FMN2: variants seen among roughly 807,000 people sequenced by gnomAD.
The protein encoded by FMN2 is formin 2, also known as formin-2.
FMN2 carries 51 observed loss-of-function variants against 142.3 expected under a neutral mutation model. The observed-to-expected ratio is 0.36, with a 90% CI of 0.29 to 0.45. The LOEUF is 0.45. FMN2 is among the 20% of genes least tolerant of loss of function. The pLI, the probability that FMN2 is intolerant of heterozygous loss-of-function variation, is 1.00. For missense variants in FMN2, 1,936 were observed against 2,122.8 expected (o/e 0.91, Z 1.73); for synonymous variants, 882 against 869.8 (o/e 1.01, Z -0.25).
chr1:240,447,183 A>C (rs1051166273), intron 16 of FMN2, among the ~76,000 whole-genome samples: 3 of 152,192 alleles, frequency 2.0e-5, no homozygotes, highest in Non-Finnish European at 4.4e-5. Context: ...GTTAAGGTTT[A>C]GAAGCAGCTG....
chr1:240,338,267 A>T (rs901536332), intron 13 of FMN2, among the ~76,000 whole-genome samples: 2 of 152,170 alleles, frequency 1.3e-5, no homozygotes, highest in Non-Finnish European at 2.9e-5. Flanking sequence ...TTTTCCAGAG[A>T]TTTATAGGAA....
intron 3 of FMN2, among the ~76,000 whole-genome samples, chr1:240,185,050 C>T (rs1183610143): frequency 6.7e-6 from 1 of 149,112 alleles, no homozygotes; most frequent in Non-Finnish European, 1.5e-5. Context: ...CTCTTTCTCC[C>T]TCCTATACCT....
At chr1:240,267,706 A>G (rs1375991254) in intron 7 of FMN2, among the ~76,000 whole-genome samples, 1 of 152,018 alleles carries the variant, frequency 6.6e-6, no homozygotes, top group Non-Finnish European at 1.5e-5. Flanking sequence ...CTATAGGCTA[A>G]TTGATATAAA....
chr1:240,217,056 T>C (rs1572077981), intron 6 of FMN2, among the ~76,000 whole-genome samples: 1 of 152,268 alleles, frequency 6.6e-6, no homozygotes, highest in Non-Finnish European at 1.5e-5. Context: ...TAAGTGTTCT[T>C]ACGGGAAGCA....
At chr1:240,432,653 A>G (rs1362057307) in intron 15 of FMN2, among the ~76,000 whole-genome samples, 1 of 151,732 alleles carries the variant, frequency 6.6e-6, no homozygotes, top group Non-Finnish European at 1.5e-5. Flanking sequence ...TACTTGCTTT[A>G]TTTGTATCCC....
In FMN2 at chr1:240,209,246, TCC is replaced by T. The variant is rs546786439; in HGVS notation, c.3920+515_3920+516del. On this transcript the variant is annotated intron_variant, in intron 5 of 17. Coordinates refer to ENST00000319653, the MANE Select transcript of FMN2 (RefSeq NM_020066.5). ...TAAAAATGTAAATCAAATTCTTAAA[TCC>T]TTTTTTTTTTTTTTGGAGGGGGGAC... is the stretch of plus-strand genomic sequence containing the variant. Among the ~76,000 whole-genome samples the T allele has an allele frequency of 4.3e-3, 405 of 94,164 alleles. 3 individuals carry two copies. The South Asian group carries it at 0.051, about 12-fold the overall frequency. 61.8% of individuals were successfully genotyped at this position (94,164 alleles called of 152,430 possible). A position where few individuals can be genotyped will look rare whatever the true frequency, so the allele number is the denominator to read the frequency against.
intron 14 of FMN2, among the ~76,000 whole-genome samples, chr1:240,388,498 A>G (rs1673487962): frequency 6.6e-6 from 1 of 152,058 alleles, no homozygotes; most frequent in Admixed American, 6.6e-5. Context: ...AGCATTTACA[A>G]AAAAGTGTAG....
chr1:240,164,010 C>G (rs1184429037), intron 2 of FMN2, among the ~76,000 whole-genome samples: 1 of 152,048 alleles, frequency 6.6e-6, no homozygotes, highest in Admixed American at 6.6e-5. Flanking sequence ...GTAGCTAGGA[C>G]TACACTACAG....
chr1:240,149,548 T>C (rs1383484598), intron 2 of FMN2, among the ~76,000 whole-genome samples: 1 of 152,252 alleles, frequency 6.6e-6, no homozygotes, highest in Non-Finnish European at 1.5e-5. Context: ...CTTTTTGGCA[T>C]GTTTCTAAGC....
intron 2 of FMN2, among the ~76,000 whole-genome samples, chr1:240,146,743 T>A (rs1382961320): frequency 6.6e-6 from 1 of 152,136 alleles, no homozygotes; most frequent in African/African-American, 2.4e-5. Flanking sequence ...GATTTACTAT[T>A]TAGTAATAAA....
chr1:240,137,853 A>G (rs1413528667), intron 2 of FMN2, among the ~76,000 whole-genome samples: 1 of 152,102 alleles, frequency 6.6e-6, no homozygotes, highest in Non-Finnish European at 1.5e-5. Flanking sequence ...ACACTTTGGG[A>G]GGCCAAGGGG....
At chr1:240,392,804 G>A (rs1305351980) in intron 15 of FMN2, among the ~76,000 whole-genome samples, 1 of 151,976 alleles carries the variant, frequency 6.6e-6, no homozygotes, top group Non-Finnish European at 1.5e-5. Flanking sequence ...TCTTTTACCT[G>A]GGATTTAGAA....
intron 2 of FMN2, 107 bp downstream of exon 2, chr1:240,123,452 T>G (rs929754251): frequency 1.3e-5 from 15 of 1,130,846 alleles, no homozygotes; most frequent in Middle Eastern, 2.4e-4. Flanking sequence ...AACATGTGAT[T>G]CAAGCATTTT....
intron 15 of FMN2, among the ~76,000 whole-genome samples, chr1:240,420,528 T>G (rs1459370456): frequency 2.0e-5 from 3 of 152,216 alleles, no homozygotes; most frequent in Non-Finnish European, 4.4e-5. Context: ...CCTATTGTCC[T>G]GCAGCCAAGA....
chr1:240,204,268 T>C lies in FMN2; in HGVS notation c.1987-2531T>C, dbSNP rs558559890. Among the ~76,000 whole-genome samples the C allele has an allele frequency of 5.9e-5, 9 of 152,234 alleles. No individual in the cohort carries two copies. The South Asian group carries it at 6.2e-4, about 11-fold the overall frequency. On this transcript the variant is annotated intron_variant, in intron 4 of 17. Transcript: ENST00000319653. ...AAGTTAAATGTTGTAGCAAAAGATATAGTTTCCAGGGAAGAAGTAACAGAG... is the reference window on the plus strand; with the variant it reads ...AAGTTAAATGTTGTAGCAAAAGATACAGTTTCCAGGGAAGAAGTAACAGAG...
rs1007889099 is a variant in FMN2, at chr1:240,093,775, G to A, written c.1615+51G>A. On this transcript the variant is annotated intron_variant, in intron 1 of 17. Coordinates refer to ENST00000319653, the MANE Select transcript of FMN2 (RefSeq NM_020066.5). ...CGGGTCTCAAGTCGCCTGTCAGTCAGGGCCTTCCCCTGCCACCCGCCCTCC... is the reference window on the plus strand; with the variant it reads ...CGGGTCTCAAGTCGCCTGTCAGTCAAGGCCTTCCCCTGCCACCCGCCCTCC... 5.6e-6 allele frequency: 7 copies of A among 1,248,326 alleles called. No homozygotes were observed. The African/African-American group carries it at 9.3e-5, about 17-fold the overall frequency. The allele number at this position is 1,248,326 out of a possible 1,614,324, so 77.3% of individuals were successfully genotyped here. A position where few individuals can be genotyped will look rare whatever the true frequency, so the allele number is the denominator to read the frequency against.
At chr1:240,228,189 G>T (rs1183059816) in intron 6 of FMN2, among the ~76,000 whole-genome samples, 1 of 150,784 alleles carries the variant, frequency 6.6e-6, no homozygotes, top group Non-Finnish European at 1.5e-5. Flanking sequence ...TATAATCCCA[G>T]CTACTCGGGA....
intron 6 of FMN2, among the ~76,000 whole-genome samples, chr1:240,235,233 C>G (rs1667663122): frequency 6.6e-6 from 1 of 152,140 alleles, no homozygotes; most frequent in Non-Finnish European, 1.5e-5. Context: ...AGGGTATCCT[C>G]ATATACAAGT....
rs535068298 is a variant in FMN2 at position 240,276,849 on chromosome 1, C to T, written c.4154-17973C>T. On this transcript the variant is annotated intron_variant, in intron 7 of 17. Coordinates refer to ENST00000319653, the MANE Select transcript of FMN2 (RefSeq NM_020066.5). ...GAAGAGAGATGTATTCTATATTGAGCATATTTTCTATTTTTCGAGGCTCTG... is the reference window on the plus strand; with the variant it reads ...GAAGAGAGATGTATTCTATATTGAGTATATTTTCTATTTTTCGAGGCTCTG... Among the ~76,000 whole-genome samples, 3 of 152,270 alleles carry T rather than the reference C, an allele frequency of 2.0e-5. No individual in the cohort carries two copies. The South Asian group carries it at 6.2e-4, about 32-fold the overall frequency.
Sources: gnomAD v4.1 joint callset for allele counts (sites outside exome capture counted in the v4.1 genomes callset) on GRCh38, gnomAD v4.1.1 for gene constraint, MANE v1.5 for transcripts, NCBI Gene and HGNC (gene_info 2026-07-23, HGNC 2026-07-21) for gene names.